GPC5: variants seen among roughly 807,000 people sequenced by gnomAD.
The protein encoded by GPC5 is glypican 5.
GPC5 carries 47 observed loss-of-function variants against 53.9 expected under a neutral mutation model. The observed-to-expected ratio is 0.87, with a 90% confidence interval of 0.69 to 1.11. The LOEUF is 1.11. GPC5 is among the 50% of genes most tolerant of loss of function. The probability of loss-of-function intolerance (pLI) is 0.00; values close to 1 mark genes in which losing one functional copy is unlikely to be tolerated. For missense variants in GPC5, 748 were observed against 713.1 expected (o/e 1.05, Z -0.56); for synonymous variants, 286 against 263.3 (o/e 1.09, Z -0.84).
At chr13:92,797,222 T>C (rs185707552) in intron 7 of GPC5, among the ~76,000 whole-genome samples, 9 of 152,112 alleles carry the variant, frequency 5.9e-5, no homozygotes, top group African/African-American at 2.2e-4. Context: ...ATGATGAATG[T>C]TAATTTACCC....
At chr13:91,820,022 TC>T (rs1232916962) in intron 5 of GPC5, among the ~76,000 whole-genome samples, 1 of 152,224 alleles carries the variant, frequency 6.6e-6, no homozygotes, top group Admixed American at 6.5e-5. Flanking sequence ...CAAAGCATTT[TC>T]TTGAATATTT....
chr13:92,088,252 T>C (rs766889915), intron 6 of GPC5, among the ~76,000 whole-genome samples: 3 of 152,148 alleles, frequency 2.0e-5, no homozygotes, highest in African/African-American at 7.2e-5. Context: ...AAGTACCCCA[T>C]ATTTTTGAAG....
chr13:92,704,861 A>T (rs79682740), intron 7 of GPC5, among the ~76,000 whole-genome samples: 1 of 146,286 alleles, frequency 6.8e-6, no homozygotes, highest in African/African-American at 2.6e-5. Flanking sequence ...TAAATATATG[A>T]GTGTATATAT....
chr13:91,820,977 C>A (rs9523423), intron 5 of GPC5, among the ~76,000 whole-genome samples: 1 of 147,090 alleles, frequency 6.8e-6, no homozygotes, highest in Non-Finnish European at 1.5e-5. Flanking sequence ...AAAAAATAAA[C>A]AAATAAAATA....
chr13:92,423,001 C>T (rs77405208), intron 7 of GPC5, among the ~76,000 whole-genome samples: 1,695 of 152,266 alleles, frequency 0.011, 34 homozygotes, highest in African/African-American at 0.039. Context: ...ATTTATTTCT[C>T]GCAGTTCTGA....
chr13:92,147,099 A>G (rs992860938), intron 7 of GPC5, among the ~76,000 whole-genome samples: 2 of 152,076 alleles, frequency 1.3e-5, no homozygotes, highest in African/African-American at 4.8e-5. Flanking sequence ...ATTATATAAG[A>G]AAGTTTTTAC....
At chr13:92,643,068 G>T (rs1283170322) in intron 7 of GPC5, among the ~76,000 whole-genome samples, 2 of 152,124 alleles carry the variant, frequency 1.3e-5, no homozygotes, top group Non-Finnish European at 2.9e-5. Flanking sequence ...TTTTGATGGG[G>T]TTGTTCGTTT....
At chr13:92,450,038 A>G (rs1049541986) in intron 7 of GPC5, among the ~76,000 whole-genome samples, 2 of 152,174 alleles carry the variant, frequency 1.3e-5, no homozygotes, top group Admixed American at 6.6e-5. Flanking sequence ...CAAACTCCAA[A>G]CAAAAGGAAA....
chr13:91,738,579 GT>G (rs1346973800), intron 4 of GPC5, among the ~76,000 whole-genome samples: 2 of 150,850 alleles, frequency 1.3e-5, no homozygotes, highest in East Asian at 3.9e-4. Context: ...TTTACTGCAT[GT>G]CTTTTTTAAA....
intron 7 of GPC5, among the ~76,000 whole-genome samples, chr13:92,385,453 CATAT>C (rs1566567561): frequency 1.7e-5 from 2 of 119,404 alleles, no homozygotes; most frequent in South Asian, 2.7e-4. Flanking sequence ...TACATATATA[CATAT>C]ATACACATAT....
At chr13:91,531,290 C>T (rs1886330793) in intron 2 of GPC5, among the ~76,000 whole-genome samples, 1 of 152,156 alleles carries the variant, frequency 6.6e-6, no homozygotes, top group East Asian at 1.9e-4. Context: ...GACCTTGATA[C>T]TTACTGAATA....
intron 2 of GPC5, among the ~76,000 whole-genome samples, chr13:91,575,097 T>C (rs1053805012): frequency 1.3e-5 from 2 of 152,152 alleles, no homozygotes; most frequent in Admixed American, 1.3e-4. Context: ...CATTCTATAA[T>C]ATTTGACTAT....
intron 2 of GPC5, among the ~76,000 whole-genome samples, chr13:91,472,070 C>T (rs1882666809): frequency 6.6e-6 from 1 of 152,138 alleles, no homozygotes; most frequent in South Asian, 2.1e-4. Flanking sequence ...TCATTTCACT[C>T]ATTTTCCTTC....
At chr13:92,136,008 T>C (rs1184054357) in intron 6 of GPC5, among the ~76,000 whole-genome samples, 1 of 152,184 alleles carries the variant, frequency 6.6e-6, no homozygotes, top group Non-Finnish European at 1.5e-5. Context: ...ATAAGATTTG[T>C]AAAATATGTT....
intron 7 of GPC5, among the ~76,000 whole-genome samples, chr13:92,253,691 A>G (rs2042707547): frequency 6.6e-6 from 1 of 151,862 alleles, no homozygotes; most frequent in South Asian, 2.1e-4. Flanking sequence ...AAAATACTCT[A>G]AGTAAGTGAA....
chr13:91,684,998 C>T (rs1345396587), intron 2 of GPC5, among the ~76,000 whole-genome samples: 1 of 152,162 alleles, frequency 6.6e-6, no homozygotes, highest in Non-Finnish European at 1.5e-5. Flanking sequence ...CTCATCTTTT[C>T]ATAGCTGGCT....
chr13:91,621,030 T>C (rs2033840078), intron 2 of GPC5, among the ~76,000 whole-genome samples: 1 of 152,118 alleles, frequency 6.6e-6, no homozygotes, highest in Non-Finnish European at 1.5e-5. Flanking sequence ...GCCAGAATTA[T>C]CTATGTCCAA....
At position 92,158,365 on chromosome 13, in the gene GPC5, A is replaced by G. The variant is rs777244239; in HGVS notation, c.1561+13376A>G. ...TATTCAACTGAAAAATCTACAAAGG[A>G]AAATTCATACATTCAAAACACAATG... On this transcript the variant is annotated intron_variant, in intron 7 of 7. Transcript: ENST00000377067. Among the ~76,000 whole-genome samples the G allele has an allele frequency of 7.6e-4, 116 of 152,336 alleles. No individual in the cohort carries two copies. In the South Asian group the frequency reaches 7.9e-3, roughly 10 times the overall value.
intron 7 of GPC5, among the ~76,000 whole-genome samples, chr13:92,274,438 T>C (rs552998943): frequency 1.3e-5 from 2 of 152,300 alleles, no homozygotes; most frequent in South Asian, 4.1e-4. Context: ...CATACCACCC[T>C]TCTCCTGAGT....
Sources: allele counts gnomAD v4.1 joint callset (sites outside exome capture counted in the v4.1 genomes callset), GRCh38; gene constraint gnomAD v4.1.1; transcripts MANE v1.5; gene names NCBI Gene and HGNC (gene_info 2026-07-23, HGNC 2026-07-21).